KIF6: variants seen among roughly 807,000 people sequenced by gnomAD.
The protein encoded by KIF6 is kinesin-like protein KIF6.
In KIF6, 106 loss-of-function variants were observed where a neutral mutation model predicts 112.7. The observed-to-expected ratio is 0.94, with a 90% CI of 0.80 to 1.11. KIF6 has a LOEUF of 1.11. Ranked by LOEUF, KIF6 falls within the 50% of genes least tolerant of loss-of-function variation. The probability of loss-of-function intolerance (pLI) is 0.00; values close to 1 mark genes in which losing one functional copy is unlikely to be tolerated. For missense variants in KIF6, 929 were observed against 964.0 expected (o/e 0.96, Z 0.48); for synonymous variants, 339 against 339.9 (o/e 1.00, Z 0.03).
chr6:39,584,001 G>A (rs1328627888), intron 9 of KIF6, among the ~76,000 whole-genome samples: 1 of 151,900 alleles, frequency 6.6e-6, no homozygotes, highest in Non-Finnish European at 1.5e-5. Flanking sequence ...AAAACTAGAA[G>A]TTTGACAGAT....
intron 10 of KIF6, among the ~76,000 whole-genome samples, chr6:39,569,143 G>C (rs1780505765): frequency 6.6e-6 from 1 of 152,122 alleles, no homozygotes; most frequent in Non-Finnish European, 1.5e-5. Flanking sequence ...GTTTTTAATA[G>C]TGGTTTTATA....
At chr6:39,386,935 T>A (rs1767478315) in intron 15 of KIF6, among the ~76,000 whole-genome samples, 1 of 152,194 alleles carries the variant, frequency 6.6e-6, no homozygotes, top group Admixed American at 6.5e-5. Context: ...TTTCCTCACA[T>A]AAGTACATTC....
intron 13 of KIF6, among the ~76,000 whole-genome samples, chr6:39,539,253 C>T (rs1778642896): frequency 6.6e-6 from 1 of 151,374 alleles, no homozygotes; most frequent in Non-Finnish European, 1.5e-5. Flanking sequence ...AAGCTGGAAA[C>T]AGGAAAGGTG....
intron 4 of KIF6, among the ~76,000 whole-genome samples, chr6:39,636,375 G>A (rs1427924600): frequency 6.6e-6 from 1 of 151,860 alleles, no homozygotes; most frequent in Non-Finnish European, 1.5e-5. Context: ...AGGTGACATG[G>A]ACCGAATTAC....
intron 3 of KIF6, among the ~76,000 whole-genome samples, chr6:39,670,581 G>A (rs1786754004): frequency 2.6e-5 from 4 of 152,134 alleles, no homozygotes; most frequent in Admixed American, 2.6e-4. Flanking sequence ...AGGTAGAAGA[G>A]GTGGCATTGG....
intron 3 of KIF6, among the ~76,000 whole-genome samples, chr6:39,661,758 G>A (rs767017220): frequency 3.3e-5 from 5 of 152,170 alleles, no homozygotes; most frequent in African/African-American, 9.7e-5. Flanking sequence ...GTGAAAAGCC[G>A]TTGAAGAGTT....
intron 13 of KIF6, among the ~76,000 whole-genome samples, chr6:39,479,308 C>T (rs1774644850): frequency 6.6e-6 from 1 of 152,178 alleles, no homozygotes; most frequent in Non-Finnish European, 1.5e-5. Context: ...CAGTTTCATT[C>T]TCCTACACGT....
Position 39,330,673 on chromosome 6 carries a change from C to T in KIF6, c.*5859G>A, listed in dbSNP as rs1261891028. 1 of 152,204 alleles carries T rather than the reference C, an allele frequency of 6.6e-6. No individual in the cohort carries two copies. The highest frequency in any genetic ancestry group is 2.1e-4 in the South Asian group (1 of 4,830). 9.4% of individuals were successfully genotyped at this position (152,204 alleles called of 1,614,324 possible). ...GAGTTCCCTCTCAGTGTGGGTGAAA[C>T]TGGCTCAGCCCTGCTGGCTGGCACG... On this transcript the variant is annotated 3_prime_UTR_variant, in exon 23 of 23. Coordinates refer to ENST00000287152, the MANE Select transcript of KIF6 (RefSeq NM_145027.6).
intron 15 of KIF6, among the ~76,000 whole-genome samples, chr6:39,395,747 T>C (rs1398875939): frequency 6.6e-6 from 1 of 152,158 alleles, no homozygotes; most frequent in African/African-American, 2.4e-5. Context: ...GACAGGTATA[T>C]TCCATCTGTT....
chr6:39,624,642 A>G (rs1274006440), intron 5 of KIF6, among the ~76,000 whole-genome samples: 2 of 152,198 alleles, frequency 1.3e-5, no homozygotes, highest in Non-Finnish European at 2.9e-5. Context: ...TCACCTCTTA[A>G]TGGCTGAAGA....
intron 14 of KIF6, among the ~76,000 whole-genome samples, chr6:39,429,562 C>G (rs1375290170): frequency 6.6e-6 from 1 of 152,138 alleles, no homozygotes; most frequent in Non-Finnish European, 1.5e-5. Context: ...CAATTCTTTC[C>G]CATCCTGAAA....
At chr6:39,602,742 T>G (rs569346500) in intron 6 of KIF6, among the ~76,000 whole-genome samples, 1 of 152,298 alleles carries the variant, frequency 6.6e-6, no homozygotes, top group African/African-American at 2.4e-5. Context: ...TTCAGTTATT[T>G]GCTGTGCGTG....
chr6:39,544,173 T>C lies in KIF6; in HGVS notation c.1426+382A>G, dbSNP rs139467186. Among the ~76,000 whole-genome samples the C allele has an allele frequency of 1.9e-3, 297 of 152,314 alleles. 1 individual carries two copies. The highest frequency in any genetic ancestry group is 6.8e-3 in the African/African-American group (281 of 41,558). The stretch of plus-strand genomic sequence containing the variant: ...GTGAGTCTGTGGTCAGCCTGTTGTC[T>C]GGTCAGCTTGCTAAAGATAACCAGC... On this transcript the variant is annotated intron_variant, in intron 12 of 22. Coordinates refer to ENST00000287152, the MANE Select transcript of KIF6 (RefSeq NM_145027.6).
At chr6:39,451,834 C>T (rs984990985) in intron 13 of KIF6, among the ~76,000 whole-genome samples, 10 of 152,270 alleles carry the variant, frequency 6.6e-5, no homozygotes, top group African/African-American at 2.2e-4. Flanking sequence ...GTGTCTGGCA[C>T]ATATTAGGTA....
At chr6:39,548,636 T>C (rs1329077560) in intron 10 of KIF6, among the ~76,000 whole-genome samples, 2 of 152,220 alleles carry the variant, frequency 1.3e-5, no homozygotes, top group Non-Finnish European at 2.9e-5. Context: ...ATTCAGATGT[T>C]TTCGTTGTAC....
intron 3 of KIF6, among the ~76,000 whole-genome samples, chr6:39,708,246 C>A (rs1391625865): frequency 6.6e-6 from 1 of 152,162 alleles, no homozygotes; most frequent in Non-Finnish European, 1.5e-5. Context: ...GCCTTGGCCT[C>A]CCACCCAGCA....
chr6:39,615,204 G>C (rs112865312), intron 5 of KIF6, among the ~76,000 whole-genome samples: 14,240 of 150,836 alleles, frequency 0.094, 710 homozygotes, highest in Middle Eastern at 0.14. Context: ...AAAATAAAAA[G>C]AGAGAGAGAG....
At chr6:39,487,895 C>T (rs2150469733) in intron 13 of KIF6, among the ~76,000 whole-genome samples, 1 of 152,294 alleles carries the variant, frequency 6.6e-6, no homozygotes, top group East Asian at 1.9e-4. Flanking sequence ...GCTTTGGCCT[C>T]CACTTCAGGT....
intron 15 of KIF6, among the ~76,000 whole-genome samples, chr6:39,411,595 T>G (rs1354209141): frequency 6.6e-6 from 1 of 152,166 alleles, no homozygotes; most frequent in Non-Finnish European, 1.5e-5. Context: ...AGGTATTGTG[T>G]GCAGAAGGAG....
Sources: allele counts gnomAD v4.1 joint callset (sites outside exome capture counted in the v4.1 genomes callset), GRCh38; gene constraint gnomAD v4.1.1; transcripts MANE v1.5; gene names NCBI Gene and HGNC (gene_info 2026-07-23, HGNC 2026-07-21).